Variants in NOL4 observed in about 807,000 individuals in gnomAD.
The protein encoded by NOL4 is nucleolar protein 4.
A neutral mutation model predicts 75.9 loss-of-function variants in NOL4; 17 were observed. The observed-to-expected ratio is 0.22, with a 90% confidence interval of 0.15 to 0.34. The LOEUF (loss-of-function observed/expected upper bound fraction) is 0.34, where lower values mean the gene tolerates loss of function less well. Ranked by LOEUF, NOL4 falls within the 10% of genes least tolerant of loss-of-function variation. The probability of loss-of-function intolerance (pLI) is 1.00; values close to 1 mark genes in which losing one functional copy is unlikely to be tolerated. For synonymous variants in NOL4, 292 were observed against 289.9 expected, an observed-to-expected ratio of 1.01 and a Z score of -0.07; for missense variants, 614 against 793.5, an observed-to-expected ratio of 0.77 and a Z score of 2.72.
chr18:33,913,151 T>A (rs1409804230), intron 9 of NOL4, among the ~76,000 whole-genome samples: 1 of 151,672 alleles, frequency 6.6e-6, no homozygotes, highest in Non-Finnish European at 1.5e-5. Flanking sequence ...AATGAAATTG[T>A]TCAAATTATC....
intron 8 of NOL4, among the ~76,000 whole-genome samples, chr18:33,944,886 G>A (rs2068732299): frequency 6.6e-6 from 1 of 151,776 alleles, no homozygotes; most frequent in Non-Finnish European, 1.5e-5. Context: ...AATAAATTAA[G>A]CTATAAAATC....
chr18:34,133,146 C>G (rs1464678561), intron 1 of NOL4, among the ~76,000 whole-genome samples: 9 of 151,718 alleles, frequency 5.9e-5, no homozygotes, highest in African/African-American at 2.2e-4. Flanking sequence ...GTGGTGCGTG[C>G]CTGTAATCCC....
At chr18:34,114,521 C>A (rs2079757727) in intron 2 of NOL4, among the ~76,000 whole-genome samples, 2 of 152,144 alleles carry the variant, frequency 1.3e-5, no homozygotes, top group South Asian at 4.1e-4. Context: ...AATGACCTAA[C>A]ATTATTTATC....
At chr18:34,096,826 G>A (rs1005522028) in intron 4 of NOL4, among the ~76,000 whole-genome samples, 3 of 151,900 alleles carry the variant, frequency 2.0e-5, no homozygotes, top group Non-Finnish European at 4.4e-5. Flanking sequence ...TTTTAAACAC[G>A]GCACTTATTT....
At chr18:34,097,321 T>A (rs2078832670) in intron 4 of NOL4, among the ~76,000 whole-genome samples, 1 of 152,190 alleles carries the variant, frequency 6.6e-6, no homozygotes, top group South Asian at 2.1e-4. Flanking sequence ...GCTTACATTA[T>A]CAGCATCTCT....
chr18:33,870,237 C>A (rs1468239012), intron 10 of NOL4, among the ~76,000 whole-genome samples: 1 of 151,788 alleles, frequency 6.6e-6, no homozygotes, highest in Non-Finnish European at 1.5e-5. Flanking sequence ...TGAAATAAAC[C>A]AGGAACAAAA....
intron 5 of NOL4, among the ~76,000 whole-genome samples, chr18:34,065,924 G>T (rs1039498472): frequency 6.6e-6 from 1 of 151,802 alleles, no homozygotes; most frequent in Non-Finnish European, 1.5e-5. Flanking sequence ...AAAGGAAGTC[G>T]AAATTTCAAA....
chr18:33,896,033 A>C (rs1005286612), intron 9 of NOL4, among the ~76,000 whole-genome samples: 10 of 152,174 alleles, frequency 6.6e-5, no homozygotes, highest in South Asian at 2.1e-4. Flanking sequence ...CCAAATCAGA[A>C]AGGCAATTCC....
At chr18:33,902,748 A>T (rs1487128161) in intron 9 of NOL4, among the ~76,000 whole-genome samples, 2 of 152,110 alleles carry the variant, frequency 1.3e-5, no homozygotes, top group Non-Finnish European at 2.9e-5. Context: ...AAGCAATCAC[A>T]TTGCAGGTTT....
At chr18:33,929,327 C>T (rs1053288771) in intron 9 of NOL4, among the ~76,000 whole-genome samples, 1 of 152,022 alleles carries the variant, frequency 6.6e-6, no homozygotes, top group East Asian at 1.9e-4. Flanking sequence ...GTATGGAATA[C>T]CCTCCTCTAG....
intron 1 of NOL4, 159 bp downstream of exon 1, chr18:34,222,831 T>C (rs2037417553): frequency 2.2e-6 from 2 of 898,104 alleles, no homozygotes; most frequent in Non-Finnish European, 3.3e-6. Flanking sequence ...CGCGCCTGGC[T>C]AATGCGAGTG....
chr18:34,130,011 C>A lies in NOL4; in HGVS notation c.274G>T (p.Gly92Trp). 6.4e-7 allele frequency: 1 copy of A among 1,560,544 alleles called. No individual in the cohort carries two copies. The highest frequency in any genetic ancestry group is 8.7e-7 in the Non-Finnish European group (1 of 1,154,722). ...YVPVKTTDGV[G>W]VDEKLSLRRV... ...CGTAAAGATAGCTTCTCATCTACCCCTACGCCATCCTGGAAACAAAACAAC... is the reference window on the plus strand; with the variant it reads ...CGTAAAGATAGCTTCTCATCTACCCATACGCCATCCTGGAAACAAAACAAC... The change falls in exon 2 of 11, where the codon GGG becomes TGG. Residue 92 changes from glycine to tryptophan, a missense_variant. Transcript: ENST00000261592.
At chr18:34,160,962 C>G (rs184001607) in intron 1 of NOL4, among the ~76,000 whole-genome samples, 81 of 152,232 alleles carry the variant, frequency 5.3e-4, no homozygotes, top group African/African-American at 1.9e-3. Context: ...CCAGCTTCTC[C>G]CTATTTTCTC....
intron 1 of NOL4, among the ~76,000 whole-genome samples, chr18:34,209,550 C>T (rs913215812): frequency 3.3e-5 from 5 of 152,134 alleles, no homozygotes; most frequent in Admixed American, 2.0e-4. Context: ...GACTCCCTAA[C>T]ATCCATTTGC....
chr18:33,901,319 T>A (rs575133962), intron 9 of NOL4, among the ~76,000 whole-genome samples: 2 of 152,282 alleles, frequency 1.3e-5, no homozygotes, highest in South Asian at 4.1e-4. Flanking sequence ...AAAATGCTCA[T>A]GAGTTAACTT....
At chr18:34,138,852 T>C (rs1429401750) in intron 1 of NOL4, among the ~76,000 whole-genome samples, 1 of 152,224 alleles carries the variant, frequency 6.6e-6, no homozygotes, top group Non-Finnish European at 1.5e-5. Flanking sequence ...ATATGTCCCA[T>C]CAATACCTAA....
chr18:33,998,647 GACAAC>G (rs2073468242), intron 6 of NOL4, among the ~76,000 whole-genome samples: 2 of 152,036 alleles, frequency 1.3e-5, no homozygotes, highest in Non-Finnish European at 2.9e-5. Context: ...TATATTTTTG[GACAAC>G]ACTTTTTAAA....
intron 5 of NOL4, among the ~76,000 whole-genome samples, chr18:34,024,180 G>GAAAA (rs2075200752): frequency 2.6e-5 from 1 of 39,004 alleles, no homozygotes; most frequent in African/African-American, 1.2e-4. Context: ...AAAATAAACA[G>GAAAA]GAAAAAAAAA....
intron 2 of NOL4, among the ~76,000 whole-genome samples, chr18:34,105,851 T>C (rs1452731480): frequency 6.6e-6 from 1 of 151,986 alleles, no homozygotes; most frequent in Non-Finnish European, 1.5e-5. Flanking sequence ...TTCAGAACCA[T>C]AATCTAGAAT....
Sources: gnomAD v4.1 joint callset for allele counts (sites outside exome capture counted in the v4.1 genomes callset) on GRCh38, gnomAD v4.1.1 for gene constraint, MANE v1.5 for transcripts, NCBI Gene and HGNC (gene_info 2026-07-23, HGNC 2026-07-21) for gene names.